GRID2: variants seen among roughly 807,000 people sequenced by gnomAD.
The protein encoded by GRID2 is glutamate receptor ionotropic, delta-2.
A neutral mutation model predicts 114.8 loss-of-function variants in GRID2; 33 were observed. The ratio of observed to expected loss-of-function variants is 0.29; its 90% CI spans 0.22 to 0.38. The LOEUF (loss-of-function observed/expected upper bound fraction) is 0.38. Ranked by LOEUF, GRID2 falls within the 10% of genes least tolerant of loss-of-function variation. The pLI is 1.00. For missense variants in GRID2, 1,184 were observed against 1,257.7 expected (o/e 0.94, Z 0.89); for synonymous variants, 505 against 449.9 (o/e 1.12, Z -1.55).
At chr4:92,744,941 A>G (rs965257011) in intron 2 of GRID2, among the ~76,000 whole-genome samples, 2 of 152,148 alleles carry the variant, frequency 1.3e-5, no homozygotes, top group African/African-American at 2.4e-5. Flanking sequence ...CTGTTGAGAA[A>G]TCCATCTTTG....
chr4:92,715,352 A>G (rs1388272208), intron 2 of GRID2, among the ~76,000 whole-genome samples: 1 of 152,142 alleles, frequency 6.6e-6, no homozygotes, highest in Non-Finnish European at 1.5e-5. Flanking sequence ...AGGGAATTCC[A>G]AACACTCCCA....
intron 2 of GRID2, among the ~76,000 whole-genome samples, chr4:92,598,246 C>A (rs1183545909): frequency 6.6e-6 from 1 of 152,150 alleles, no homozygotes; most frequent in African/African-American, 2.4e-5. Flanking sequence ...TTTTGGGTGC[C>A]TGTGAACATT....
chr4:92,972,203 ATT>A lies in GRID2; in HGVS notation c.245-112780_245-112779del, dbSNP rs748827964. Among the ~76,000 whole-genome samples the A allele has an allele frequency of 1.5e-3, 214 of 140,354 alleles. 1 individual carries two copies. The highest frequency in any genetic ancestry group is 5.3e-3 in the African/African-American group (203 of 38,572). The allele number at this position is 140,354 out of a possible 152,430, so 92.1% of individuals were successfully genotyped here. A position where few individuals can be genotyped will look rare whatever the true frequency, so the allele number is the denominator to read the frequency against. On this transcript the variant is annotated intron_variant, in intron 2 of 15. Transcript: ENST00000282020. ...CTCTTTTCGCTTCACCTTTGCTAGC[ATT>A]TTTTTTTTTTTGTCTTTCTGATAAC...
intron 2 of GRID2, among the ~76,000 whole-genome samples, chr4:93,010,623 G>A (rs1722034762): frequency 6.6e-6 from 1 of 152,068 alleles, no homozygotes; most frequent in South Asian, 2.1e-4. Flanking sequence ...GCCTTATTTT[G>A]ACTATTGCTG....
At chr4:92,968,594 A>G (rs1753303136) in intron 2 of GRID2, among the ~76,000 whole-genome samples, 1 of 151,836 alleles carries the variant, frequency 6.6e-6, no homozygotes, top group Admixed American at 6.6e-5. Flanking sequence ...TAATTTATGG[A>G]GGTAATTTAG....
intron 14 of GRID2, among the ~76,000 whole-genome samples, chr4:93,739,229 TGTATGTTTGCATTTAACACACTA>T (rs1731172896): frequency 6.6e-6 from 1 of 152,152 alleles, no homozygotes; most frequent in Non-Finnish European, 1.5e-5. Context: ...ATTGTCACTC[TGTATGTTTGCATTTAACACACTA>T]GTATGTTTAA....
At chr4:92,530,070 A>G (rs1579524761) in intron 1 of GRID2, among the ~76,000 whole-genome samples, 3 of 151,972 alleles carry the variant, frequency 2.0e-5, no homozygotes, top group South Asian at 2.1e-4. Flanking sequence ...TGAATAAATA[A>G]GAAGATCAAG....
intron 4 of GRID2, among the ~76,000 whole-genome samples, chr4:93,133,195 C>T (rs1384770427): frequency 1.3e-5 from 2 of 152,074 alleles, no homozygotes; most frequent in Non-Finnish European, 2.9e-5. Flanking sequence ...TATTATACTC[C>T]TCACTATTTC....
Position 93,455,721 on chromosome 4 carries a change from C to T in GRID2, c.1605C>T (p.Asp535=), listed in dbSNP as rs1337580249. 1 of 1,612,578 alleles carries T rather than the reference C, an allele frequency of 6.2e-7. No individual in the cohort carries two copies. Among genetic ancestry groups the T allele is most frequent in the Non-Finnish European group, 8.5e-7 (1 of 1,178,658 alleles). Residue 535 remains aspartate, a synonymous_variant, in exon 11 of 16, where the codon GAC becomes GAT. Coordinates refer to ENST00000282020, the MANE Select transcript of GRID2 (RefSeq NM_001510.4). The part of the protein sequence containing the change: ...TITPDRENVV[D]FTTRYMDYSV... The stretch of plus-strand genomic sequence containing the variant: ...CTCCAGATCGTGAAAATGTGGTGGA[C>T]TTTACGACACGTTACATGGACTACT...
chr4:92,697,417 G>A (rs1012007445), intron 2 of GRID2, among the ~76,000 whole-genome samples: 5 of 152,108 alleles, frequency 3.3e-5, no homozygotes, highest in Non-Finnish European at 5.9e-5. Flanking sequence ...AAATTGAGTA[G>A]GGTTATAACA....
chr4:93,328,834 T>C (rs1758134737), intron 8 of GRID2, among the ~76,000 whole-genome samples: 1 of 152,036 alleles, frequency 6.6e-6, no homozygotes. Context: ...GGATTACAGA[T>C]TTGAAAGGCA....
intron 1 of GRID2, among the ~76,000 whole-genome samples, chr4:92,483,258 A>T (rs1045557159): frequency 3.3e-5 from 5 of 152,116 alleles, no homozygotes; most frequent in African/African-American, 1.2e-4. Flanking sequence ...GAATCGCTTG[A>T]ATCTGAGAGG....
intron 1 of GRID2, among the ~76,000 whole-genome samples, chr4:92,588,678 C>CAAAAAAAAAAAAAA (rs1209254541): frequency 1.1e-4 from 8 of 70,308 alleles, no homozygotes; most frequent in African/African-American, 4.5e-4. Flanking sequence ...GACTCCGTCT[C>CAAAAAAAAAAAAAA]AAAAAAAAAA....
At chr4:92,874,064 ATTC>A (rs746200167) in intron 2 of GRID2, among the ~76,000 whole-genome samples, 7 of 152,008 alleles carry the variant, frequency 4.6e-5, no homozygotes, top group Non-Finnish European at 1.0e-4. Context: ...ACTTCCCCCT[ATTC>A]TTCTTACACT....
intron 2 of GRID2, among the ~76,000 whole-genome samples, chr4:92,921,581 T>C (rs2149506531): frequency 6.6e-6 from 1 of 152,332 alleles, no homozygotes; most frequent in Non-Finnish European, 1.5e-5. Flanking sequence ...GACCCTCAGC[T>C]GCAGGTCTGT....
chr4:93,792,528 T>C (rs746803383), intron 1 of GRID2, among the ~76,000 whole-genome samples: 3 of 152,172 alleles, frequency 2.0e-5, no homozygotes, highest in Non-Finnish European at 4.4e-5. Flanking sequence ...CAATTTTGCA[T>C]TGGCCTAACT....
chr4:93,087,038 A>ATTTATTTG (rs1210982394), intron 3 of GRID2, among the ~76,000 whole-genome samples: 1 of 151,242 alleles, frequency 6.6e-6, no homozygotes, highest in African/African-American at 2.4e-5. Flanking sequence ...TTATTTATTT[A>ATTTATTTG]TTTATTTATT....
chr4:92,725,739 A>G (rs1030825642), intron 2 of GRID2, among the ~76,000 whole-genome samples: 1 of 152,196 alleles, frequency 6.6e-6, no homozygotes, highest in African/African-American at 2.4e-5. Flanking sequence ...AAGTGAGTTC[A>G]TGACAAAGAT....
chr4:93,066,355 G>C (rs1045815605), intron 2 of GRID2, among the ~76,000 whole-genome samples: 1 of 151,676 alleles, frequency 6.6e-6, no homozygotes, highest in African/African-American at 2.4e-5. Flanking sequence ...AGGATAAGAG[G>C]GACTATAATT....
Sources: gnomAD v4.1 joint callset for allele counts (sites outside exome capture counted in the v4.1 genomes callset) on GRCh38, gnomAD v4.1.1 for gene constraint, MANE v1.5 for transcripts, NCBI Gene and HGNC (gene_info 2026-07-23, HGNC 2026-07-21) for gene names.